ANO5: variants seen among roughly 807,000 people sequenced by gnomAD.
ANO5 encodes anoctamin 5, also known as anoctamin-5.
ANO5 carries 109 observed loss-of-function variants against 121.0 expected under a neutral mutation model. The observed-to-expected ratio is 0.90, with a 90% CI of 0.77 to 1.06. The LOEUF (loss-of-function observed/expected upper bound fraction) is 1.06. Among genes scored for constraint, ANO5 ranks in the 50% least tolerant of loss-of-function variants. The probability of loss-of-function intolerance (pLI) is 0.00; values close to 1 mark genes in which losing one functional copy is unlikely to be tolerated. For missense variants in ANO5, 1,064 were observed against 1,078.5 expected (o/e 0.99, Z 0.19); for synonymous variants, 406 against 359.9 (o/e 1.13, Z -1.45).
intron 21 of ANO5, among the ~76,000 whole-genome samples, chr11:22,277,482 T>G (rs1040410877): frequency 4.0e-5 from 6 of 151,442 alleles, no homozygotes; most frequent in Non-Finnish European, 8.9e-5. Flanking sequence ...TTCTGAAATA[T>G]TTCTGTCCAT....
In ANO5 at chr11:22,217,532, T is replaced by G. The variant is rs1040954349; in HGVS notation, c.139-714T>G. Among the ~76,000 whole-genome samples the G allele has an allele frequency of 2.0e-5, 3 of 152,152 alleles. No homozygotes were observed. The East Asian group carries it at 5.8e-4, about 29-fold the overall frequency. Reference sequence around the variant, plus strand: ...TTTTCCTGATATATACAGGCATACTTAACAAAATATCTATTTTACTTTATA... The same window carrying G: ...TTTTCCTGATATATACAGGCATACTGAACAAAATATCTATTTTACTTTATA... On this transcript the variant is annotated intron_variant, in intron 3 of 21. Transcript: ENST00000324559.
At chr11:22,209,147 C>T (rs1453149443) in intron 2 of ANO5, among the ~76,000 whole-genome samples, 2 of 151,862 alleles carry the variant, frequency 1.3e-5, no homozygotes, top group African/African-American at 4.8e-5. Flanking sequence ...GTCTTCTGTG[C>T]TTTCATGATT....
chr11:22,262,650 G>T (rs1422427312), intron 16 of ANO5, among the ~76,000 whole-genome samples: 1 of 152,132 alleles, frequency 6.6e-6, no homozygotes, highest in Non-Finnish European at 1.5e-5. Context: ...CTTCCAAATT[G>T]TGGAGAATGG....
Position 22,279,570 on chromosome 11 carries a change from G to A in ANO5, c.2547G>A (p.Leu849=), listed in dbSNP as rs1454782677. The change falls in exon 22 of 22, where the codon TTG becomes TTA. Residue 849 remains leucine, a synonymous_variant. Transcript: ENST00000324559. ...MEHVVFLVKF[L]LAWMIPDVPK... ...ATGTTGTGTTTTTAGTTAAATTTTT[G>A]CTGGCCTGGATGATACCTGATGTTC... The A allele has an allele frequency of 1.9e-6, 3 of 1,612,430 alleles. No individual in the cohort carries two copies. The highest frequency in any genetic ancestry group is 2.5e-6 in the Non-Finnish European group (3 of 1,178,996).
At chr11:22,264,643 T>G (rs1854303487) in intron 17 of ANO5, among the ~76,000 whole-genome samples, 1 of 152,086 alleles carries the variant, frequency 6.6e-6, no homozygotes, top group African/African-American at 2.4e-5. Flanking sequence ...TAGAATATTC[T>G]GGAAAAGCCC....
At chr11:22,198,811 C>G (rs994115906) in intron 1 of ANO5, among the ~76,000 whole-genome samples, 6 of 152,112 alleles carry the variant, frequency 3.9e-5, no homozygotes, top group Non-Finnish European at 7.4e-5. Context: ...AGACACAAGG[C>G]TTGTATTTCT....
chr11:22,239,451 C>CAA lies in ANO5; in HGVS notation c.763-118_763-117insAA, dbSNP rs1360617859. 6.8e-6 allele frequency: 5 copies of CAA among 732,964 alleles called. No individual in the cohort carries two copies. In the African/African-American group the frequency reaches 8.8e-5, roughly 13 times the overall value. The allele number at this position is 732,964 out of a possible 1,614,324, so 45.4% of individuals were successfully genotyped here. A position where few individuals can be genotyped will look rare whatever the true frequency, so the allele number is the denominator to read the frequency against. On this transcript the variant is annotated intron_variant, in intron 8 of 21. Coordinates refer to ENST00000324559, the MANE Select transcript of ANO5 (RefSeq NM_213599.3). Reference sequence around the variant, plus strand: ...ATTTCACATCAATTGAATATGAAATCTAAAAGTAAAAGAAAACATACCCTT... The same window carrying CAA: ...ATTTCACATCAATTGAATATGAAATCAATAAAAGTAAAAGAAAACATACCCTT...
intron 9 of ANO5, among the ~76,000 whole-genome samples, chr11:22,247,617 G>A (rs1452367308): frequency 6.6e-6 from 1 of 152,114 alleles, no homozygotes; most frequent in East Asian, 1.9e-4. Flanking sequence ...TCTAGAAAGA[G>A]ATACAGTTTA....
chr11:22,210,333 G>A (rs138709453), intron 2 of ANO5, among the ~76,000 whole-genome samples: 1 of 151,726 alleles, frequency 6.6e-6, no homozygotes, highest in Non-Finnish European at 1.5e-5. Flanking sequence ...GGCACATTCT[G>A]TTACTTTACT....
chr11:22,254,455 C>T (rs1300315247), intron 12 of ANO5, among the ~76,000 whole-genome samples: 1 of 152,050 alleles, frequency 6.6e-6, no homozygotes, highest in African/African-American at 2.4e-5. Context: ...TGTGTAATAG[C>T]AGGTATCTGG....
At chr11:22,220,005 C>T (rs572091253) in intron 4 of ANO5, among the ~76,000 whole-genome samples, 3 of 150,966 alleles carry the variant, frequency 2.0e-5, no homozygotes, top group African/African-American at 7.3e-5. Context: ...TGTAAATGCA[C>T]TTACTTTGTT....
At chr11:22,216,914 T>C (rs557476998) in intron 3 of ANO5, among the ~76,000 whole-genome samples, 12 of 151,858 alleles carry the variant, frequency 7.9e-5, no homozygotes, top group Non-Finnish European at 1.8e-4. Flanking sequence ...CTTTAATGAA[T>C]TTAGGGAAAA....
chr11:22,258,415 C>T (rs1478847274), intron 14 of ANO5, among the ~76,000 whole-genome samples: 1 of 152,180 alleles, frequency 6.6e-6, no homozygotes, highest in Non-Finnish European at 1.5e-5. Flanking sequence ...TAATTCAGGA[C>T]TCTCTTTTGA....
At chr11:22,211,932 A>C (rs1188790193) in intron 3 of ANO5, among the ~76,000 whole-genome samples, 2 of 151,750 alleles carry the variant, frequency 1.3e-5, no homozygotes, top group Admixed American at 6.6e-5. Context: ...TGGAATGAGG[A>C]TTGTGATATT....
At chr11:22,224,933 T>C (rs1469578774) in intron 5 of ANO5, among the ~76,000 whole-genome samples, 6 of 151,930 alleles carry the variant, frequency 3.9e-5, no homozygotes, top group Non-Finnish European at 4.4e-5. Context: ...TTCTCACTCA[T>C]GTGCAGGAGG....
intron 3 of ANO5, among the ~76,000 whole-genome samples, chr11:22,217,635 T>C (rs1852491049): frequency 1.3e-5 from 2 of 152,016 alleles, no homozygotes; most frequent in African/African-American, 4.8e-5. Flanking sequence ...TGCAGGGACA[T>C]GGATGTAGCT....
intron 2 of ANO5, among the ~76,000 whole-genome samples, chr11:22,205,960 T>C (rs936447763): frequency 2.6e-5 from 4 of 152,138 alleles, no homozygotes; most frequent in African/African-American, 9.7e-5. Context: ...CTAAGTAAAC[T>C]GAATGTGTAA....
intron 17 of ANO5, among the ~76,000 whole-genome samples, chr11:22,269,185 AAAGGGAAGGG>A (rs1171746952): frequency 1.4e-5 from 2 of 142,978 alleles, no homozygotes; most frequent in South Asian, 4.4e-4. Context: ...AAGAGAAGGA[AAAGGGAAGGG>A]AAGGGAAGAG....
At chr11:22,206,871 C>T (rs904405027) in intron 2 of ANO5, among the ~76,000 whole-genome samples, 3 of 151,986 alleles carry the variant, frequency 2.0e-5, no homozygotes, top group African/African-American at 7.2e-5. Context: ...TCCTCACTTA[C>T]CCTTCTCATT....
Sources: allele counts gnomAD v4.1 joint callset (sites outside exome capture counted in the v4.1 genomes callset), GRCh38; gene constraint gnomAD v4.1.1; transcripts MANE v1.5; gene names NCBI Gene and HGNC (gene_info 2026-07-23, HGNC 2026-07-21).